SCOC: variants seen among roughly 807,000 people sequenced by gnomAD.
SCOC encodes short coiled-coil protein.
In SCOC, 7 loss-of-function variants were observed where a neutral mutation model predicts 9.9. The ratio of observed to expected loss-of-function variants is 0.71; its 90% CI spans 0.40 to 1.33. The LOEUF (loss-of-function observed/expected upper bound fraction) is 1.33, where lower values mean the gene tolerates loss of function less well. Among genes scored for constraint, SCOC ranks in the 40% most tolerant of loss-of-function variants. The probability of loss-of-function intolerance (pLI) is 0.01; values close to 1 mark genes in which losing one functional copy is unlikely to be tolerated. For synonymous variants in SCOC, 19 were observed against 28.2 expected (o/e 0.67, Z 1.03); for missense variants, 66 against 89.7 (o/e 0.74, Z 1.07).
chr4:140,346,524 A>C (rs1417441714), intron 2 of SCOC, among the ~76,000 whole-genome samples: 1 of 152,188 alleles, frequency 6.6e-6, no homozygotes, highest in African/African-American at 2.4e-5. Context: ...AGGAGAAGGA[A>C]GTTTCTACTA....
intron 1 of SCOC, chr4:140,343,529 C>A (rs1380915379): frequency 1.3e-6 from 1 of 778,778 alleles, no homozygotes; most frequent in African/African-American, 1.7e-5. Context: ...TCAGATAGCA[C>A]CTGCTTGGAA....
chr4:140,325,178 A>G (rs926595281), intron 1 of SCOC, among the ~76,000 whole-genome samples: 1 of 152,142 alleles, frequency 6.6e-6, no homozygotes, highest in Non-Finnish European at 1.5e-5. Context: ...TGGATAATAA[A>G]CCTAAATGCA....
At chr4:140,295,274 T>TC (rs1179502082) in intron 1 of SCOC, among the ~76,000 whole-genome samples, 8 of 152,106 alleles carry the variant, frequency 5.3e-5, no homozygotes, top group Middle Eastern at 3.4e-3. Flanking sequence ...ATATCTTTGG[T>TC]CTATAGGTAA....
rs557475451 is a variant in SCOC at position 140,288,863 on chromosome 4, A to ACATAC, written c.-19+31453_-19+31454insCATAC. ...ACAAATGTCTATATACCCCTCATAC[A>ACATAC]AAACACACCCCCATACCACATACAT... On this transcript the variant is annotated intron_variant, in intron 1 of 4. Coordinates refer to the SCOC transcript ENST00000394205. Among the ~76,000 whole-genome samples, 23 of 152,116 alleles carry ACATAC rather than the reference A, an allele frequency of 1.5e-4. No individual in the cohort carries two copies. In the South Asian group the frequency reaches 4.8e-3, roughly 32 times the overall value.
At chr4:140,275,820 G>GTTTTTT (rs1175950527) in intron 1 of SCOC, among the ~76,000 whole-genome samples, 6 of 90,640 alleles carry the variant, frequency 6.6e-5, no homozygotes, top group Non-Finnish European at 7.9e-5. Context: ...GCTCAGGTTT[G>GTTTTTT]TTTTTTTTTT....
chr4:140,362,301 T>TCC lies in SCOC; in HGVS notation c.71-16820_71-16819insCC. ...TACTTCTTCTTCTTCTTCTTCTTCTTTTTTTTTTTTTTTTGTGAGAGTCTC... is the reference window on the plus strand; with the variant it reads ...TACTTCTTCTTCTTCTTCTTCTTCTTCCTTTTTTTTTTTTTTGTGAGAGTCTC... On this transcript the variant is annotated intron_variant, in intron 2 of 4. Coordinates refer to the SCOC transcript ENST00000338517. 3.0e-3 allele frequency among the ~76,000 whole-genome samples: 89 copies of TCC among 29,372 alleles called. 1 individual carries two copies. The highest frequency in any genetic ancestry group is 6.0e-3 in the Admixed American group (15 of 2,514). The allele number at this position is 29,372 out of a possible 152,430, so 19.3% of individuals were successfully genotyped here. A position where few individuals can be genotyped will look rare whatever the true frequency, so the allele number is the denominator to read the frequency against.
At chr4:140,324,113 C>T (rs1011157969) in intron 1 of SCOC, among the ~76,000 whole-genome samples, 1 of 152,068 alleles carries the variant, frequency 6.6e-6, no homozygotes, top group Non-Finnish European at 1.5e-5. Context: ...TATATACATT[C>T]ATCTCAATAG....
intron 1 of SCOC, among the ~76,000 whole-genome samples, chr4:140,306,968 C>T (rs1732008999): frequency 1.3e-5 from 2 of 152,148 alleles, no homozygotes; most frequent in Non-Finnish European, 2.9e-5. Flanking sequence ...CTCCCAAATA[C>T]ATATGTTGAA....
chr4:140,362,290 C>CT (rs1309724552), intron 2 of SCOC, among the ~76,000 whole-genome samples: 1 of 16,914 alleles, frequency 5.9e-5, no homozygotes, highest in Non-Finnish European at 1.1e-4. Context: ...TCTTCTTCTT[C>CT]TTCTTCTTCT....
chr4:140,379,114 A>G lies in SCOC; in HGVS notation c.-50-7A>G. Reference sequence around the variant, plus strand: ...GTGTCTATATTTCTGAATTTTTCTTATTGTAGACCATTCCTCAAGAATTTT... The same window carrying G: ...GTGTCTATATTTCTGAATTTTTCTTGTTGTAGACCATTCCTCAAGAATTTT... On this transcript the variant is annotated splice_region_variant and splice_polypyrimidine_tract_variant and intron_variant, in intron 1 of 3. Transcript: ENST00000608372. The G allele has an allele frequency of 1.3e-6, 2 of 1,567,520 alleles. No individual in the cohort carries two copies. Among genetic ancestry groups the G allele is most frequent in the Non-Finnish European group, 1.8e-6 (2 of 1,137,714 alleles).
chr4:140,373,533 G>GTATTCT, upstream of SCOC: 1 of 1,551,726 alleles, frequency 6.4e-7, no homozygotes, highest in Non-Finnish European at 8.7e-7. Flanking sequence ...GAGGCGGGCA[G>GTATTCT]CTAATGCGCA....
At chr4:140,276,039 T>C (rs1329105049) in intron 1 of SCOC, among the ~76,000 whole-genome samples, 1 of 151,896 alleles carries the variant, frequency 6.6e-6, no homozygotes, top group Admixed American at 6.6e-5. Context: ...AGTCTCACGA[T>C]GTTGCCCAGG....
chr4:140,321,024 G>T (rs1182144791), intron 1 of SCOC, among the ~76,000 whole-genome samples: 1 of 152,140 alleles, frequency 6.6e-6, no homozygotes, highest in Non-Finnish European at 1.5e-5. Flanking sequence ...ACTACTTACA[G>T]ACTCTCTCCG....
upstream of SCOC, chr4:140,373,293 T>C (rs1392282741): frequency 2.9e-6 from 4 of 1,373,122 alleles, no homozygotes; most frequent in African/African-American, 3.0e-5. Context: ...CTGTCGCTCA[T>C]ACCAGCCTCT....
At chr4:140,373,793 G>A in intron 1 of SCOC, 76 bp downstream of exon 1, 1 of 1,437,334 alleles carries the variant, frequency 7.0e-7, no homozygotes, top group Non-Finnish European at 9.4e-7. Context: ...CCGAGGGCCT[G>A]GAGGGCGGGG....
rs188252554 is a variant in SCOC at position 140,268,948 on chromosome 4, C to T, written c.-19+11538C>T. On this transcript the variant is annotated intron_variant, in intron 1 of 4. Transcript: ENST00000394205. The stretch of plus-strand genomic sequence containing the variant: ...TCATTGTGGGTTTTACTGCACTAGG[C>T]GATTCTGACGGGTATATGGATACTC... Among the ~76,000 whole-genome samples, 9 of 152,180 alleles carry T rather than the reference C, an allele frequency of 5.9e-5. No individual in the cohort carries two copies. In the South Asian group the frequency reaches 1.0e-3, roughly 18 times the overall value.
At chr4:140,378,813 T>G (rs925736667) in intron 1 of SCOC, among the ~76,000 whole-genome samples, 1 of 152,156 alleles carries the variant, frequency 6.6e-6, no homozygotes, top group South Asian at 2.1e-4. Flanking sequence ...AGATTACATA[T>G]TTAAAATTTG....
In SCOC at chr4:140,276,027, G is replaced by A. The variant is rs978494897; in HGVS notation, c.-19+18617G>A. On this transcript the variant is annotated intron_variant, in intron 1 of 4. Transcript: ENST00000394205. The stretch of plus-strand genomic sequence containing the variant: ...TTGTTGTTGTTGTTGTTGTTGAGAC[G>A]GAGTCTCACGATGTTGCCCAGGCTG... Among the ~76,000 whole-genome samples the A allele has an allele frequency of 5.3e-5, 8 of 151,548 alleles. No homozygotes were observed. In the South Asian group the frequency reaches 8.4e-4, roughly 16 times the overall value.
chr4:140,373,524 A>G, upstream of SCOC: 2 of 1,551,652 alleles, frequency 1.3e-6, no homozygotes, highest in Non-Finnish European at 1.7e-6. Context: ...GACTGGGGTG[A>G]GGCGGGCAGC....
Sources: gnomAD v4.1 joint callset for allele counts (sites outside exome capture counted in the v4.1 genomes callset) on GRCh38, gnomAD v4.1.1 for gene constraint, MANE v1.5 for transcripts, NCBI Gene and HGNC (gene_info 2026-07-23, HGNC 2026-07-21) for gene names.